Variants in SHISA6 observed in about 807,000 individuals in gnomAD.
SHISA6 encodes shisa family member 6, also known as protein shisa-6.
A neutral mutation model predicts 47.9 loss-of-function variants in SHISA6; 22 were observed. That is an observed-to-expected ratio of 0.46 (90% confidence interval 0.33 to 0.66). The LOEUF (loss-of-function observed/expected upper bound fraction) is 0.66, where lower values mean the gene tolerates loss of function less well. Ranked by LOEUF, SHISA6 falls within the 30% of genes least tolerant of loss-of-function variation. The pLI is 0.02. For synonymous variants in SHISA6, 388 were observed against 337.8 expected (o/e 1.15, Z -1.63); for missense variants, 680 against 764.6 (o/e 0.89, Z 1.30).
intron 2 of SHISA6, among the ~76,000 whole-genome samples, chr17:11,284,725 G>T (rs187320196): frequency 5.3e-5 from 8 of 152,262 alleles, no homozygotes; most frequent in Admixed American, 2.0e-4. Context: ...GTTTTTTAAT[G>T]ATTCTATTGA....
At chr17:11,334,031 C>T (rs1271049121) in intron 2 of SHISA6, among the ~76,000 whole-genome samples, 1 of 152,172 alleles carries the variant, frequency 6.6e-6, no homozygotes, top group Non-Finnish European at 1.5e-5. Flanking sequence ...GGGTTTTCTC[C>T]TTTATGATAA....
intron 3 of SHISA6, among the ~76,000 whole-genome samples, chr17:11,483,686 A>G (rs1277002896): frequency 6.6e-6 from 1 of 152,168 alleles, no homozygotes; most frequent in Non-Finnish European, 1.5e-5. Context: ...GTAGTGTTAC[A>G]TCAGAATACT....
intron 3 of SHISA6, among the ~76,000 whole-genome samples, chr17:11,392,125 T>G (rs1239414018): frequency 1.3e-5 from 2 of 152,230 alleles, no homozygotes; most frequent in Non-Finnish European, 2.9e-5. Flanking sequence ...TGAATAGGAT[T>G]GATGTCAGAC....
chr17:11,489,076 A>G lies in SHISA6; in HGVS notation c.896-62820A>G, dbSNP rs951845870. Reference sequence around the variant, plus strand: ...TTCTAGGCTAGGCAAGATGTCTCCAAAATCTTTCTGGTCATCCCCTTCACC... The same window carrying G: ...TTCTAGGCTAGGCAAGATGTCTCCAGAATCTTTCTGGTCATCCCCTTCACC... On this transcript the variant is annotated intron_variant, in intron 3 of 5. Coordinates refer to ENST00000441885, the MANE Select transcript of SHISA6 (RefSeq NM_207386.4). 3.1e-4 allele frequency among the ~76,000 whole-genome samples: 47 copies of G among 152,124 alleles called. 1 individual carries two copies.
intron 3 of SHISA6, among the ~76,000 whole-genome samples, chr17:11,410,848 T>G (rs899736409): frequency 2.6e-5 from 4 of 152,232 alleles, no homozygotes; most frequent in Non-Finnish European, 5.9e-5. Flanking sequence ...AAAATGTGTC[T>G]TAACAGCTCA....
chr17:11,468,619 C>G (rs1474699013), intron 3 of SHISA6, among the ~76,000 whole-genome samples: 5 of 152,200 alleles, frequency 3.3e-5, no homozygotes, highest in Non-Finnish European at 2.9e-5. Flanking sequence ...GCCCGATTCT[C>G]ACTGGAGAGA....
At chr17:11,425,184 A>G (rs568791957) in intron 3 of SHISA6, among the ~76,000 whole-genome samples, 1 of 152,074 alleles carries the variant, frequency 6.6e-6, no homozygotes, top group East Asian at 1.9e-4. Flanking sequence ...AACCAAGGAG[A>G]AGCAAGAGAA....
chr17:11,287,495 A>T (rs1389861234), intron 2 of SHISA6, among the ~76,000 whole-genome samples: 1 of 150,860 alleles, frequency 6.6e-6, no homozygotes, highest in East Asian at 2.0e-4. Context: ...AGACCATCTT[A>T]GGCAAAATGG....
chr17:11,329,105 T>C (rs1232323098), intron 2 of SHISA6, among the ~76,000 whole-genome samples: 1 of 152,194 alleles, frequency 6.6e-6, no homozygotes, highest in Non-Finnish European at 1.5e-5. Flanking sequence ...GTGTTAAGAT[T>C]GCAATTGCCT....
At chr17:11,551,485 C>A in intron 3 of SHISA6, among the ~76,000 whole-genome samples, 1 of 152,050 alleles carries the variant, frequency 6.6e-6, no homozygotes, top group African/African-American at 2.4e-5. Flanking sequence ...AGTCAGGGCA[C>A]CCTCATTTTG....
chr17:11,270,595 T>C (rs775127640), intron 2 of SHISA6, among the ~76,000 whole-genome samples: 2 of 152,222 alleles, frequency 1.3e-5, no homozygotes, highest in Non-Finnish European at 2.9e-5. Context: ...CTGTGGCAAC[T>C]ACCCAGTTCT....
At chr17:11,316,308 G>C (rs2080737770) in intron 2 of SHISA6, among the ~76,000 whole-genome samples, 1 of 129,454 alleles carries the variant, frequency 7.7e-6, no homozygotes, top group African/African-American at 2.9e-5. Flanking sequence ...AGTAAACAAG[G>C]TTTGGGTTTG....
At chr17:11,423,381 A>C (rs1160096531) in intron 3 of SHISA6, among the ~76,000 whole-genome samples, 1 of 150,588 alleles carries the variant, frequency 6.6e-6, no homozygotes, top group African/African-American at 2.4e-5. Flanking sequence ...ATGCATGCCT[A>C]TCAGTGCAAG....
At chr17:11,314,164 T>TA (rs965217235) in intron 2 of SHISA6, among the ~76,000 whole-genome samples, 5 of 152,166 alleles carry the variant, frequency 3.3e-5, no homozygotes, top group African/African-American at 1.2e-4. Context: ...AGAAAATAGA[T>TA]ACATTTTGGT....
chr17:11,328,031 C>CT (rs1466044373), intron 2 of SHISA6, among the ~76,000 whole-genome samples: 2 of 152,040 alleles, frequency 1.3e-5, no homozygotes, highest in South Asian at 2.1e-4. Context: ...AATTCATTCA[C>CT]TTTTTTGTGA....
intron 2 of SHISA6, among the ~76,000 whole-genome samples, chr17:11,337,889 A>G (rs1284318782): frequency 6.6e-6 from 1 of 152,150 alleles, no homozygotes; most frequent in African/African-American, 2.4e-5. Context: ...TCATTCCTGC[A>G]TTTGGCAACG....
intron 2 of SHISA6, among the ~76,000 whole-genome samples, chr17:11,355,831 C>A (rs1912062164): frequency 6.6e-6 from 1 of 152,204 alleles, no homozygotes; most frequent in South Asian, 2.1e-4. Flanking sequence ...GAATCATCAA[C>A]AGATAATCCT....
chr17:11,323,140 C>T (rs531966644), intron 2 of SHISA6, among the ~76,000 whole-genome samples: 1 of 152,278 alleles, frequency 6.6e-6, no homozygotes, highest in South Asian at 2.1e-4. Flanking sequence ...CATTCTGTTC[C>T]TTAATCTATC....
chr17:11,523,042 C>T (rs186773786), intron 3 of SHISA6, among the ~76,000 whole-genome samples: 1 of 152,200 alleles, frequency 6.6e-6, no homozygotes, highest in African/African-American at 2.4e-5. Flanking sequence ...CGTTTATGCC[C>T]GGTTTCTTAG....
Sources: gnomAD v4.1 joint callset for allele counts (sites outside exome capture counted in the v4.1 genomes callset) on GRCh38, gnomAD v4.1.1 for gene constraint, MANE v1.5 for transcripts, NCBI Gene and HGNC (gene_info 2026-07-23, HGNC 2026-07-21) for gene names.